The following SYT1 variants were observed in gnomAD, a reference collection of about 807,000 sequenced individuals.
SYT1 encodes synaptotagmin 1, also known as synaptotagmin-1.
A neutral mutation model predicts 44.8 loss-of-function variants in SYT1; 8 were observed. The observed-to-expected ratio is 0.18, with a 90% CI of 0.10 to 0.32. The LOEUF is 0.32. Ranked by LOEUF, SYT1 falls within the 10% of genes least tolerant of loss-of-function variation. The probability of loss-of-function intolerance (pLI) is 1.00; values close to 1 mark genes in which losing one functional copy is unlikely to be tolerated. For synonymous variants in SYT1, 154 were observed against 188.8 expected (o/e 0.82, Z 1.51); for missense variants, 286 against 509.3 (o/e 0.56, Z 4.22).
At chr12:78,970,873 GT>G (rs990156693) in intron 1 of SYT1, among the ~76,000 whole-genome samples, 36 of 152,096 alleles carry the variant, frequency 2.4e-4, no homozygotes, top group African/African-American at 8.7e-4. Context: ...TATACCCATT[GT>G]TTTTGTTTGT....
chr12:79,122,513 CAAAAA>C (rs58384133), intron 3 of SYT1, among the ~76,000 whole-genome samples: 45 of 65,014 alleles, frequency 6.9e-4, no homozygotes, highest in African/African-American at 3.4e-3. Context: ...GACTCCGTCT[CAAAAA>C]AAAAAAAAAA....
intron 3 of SYT1, among the ~76,000 whole-genome samples, chr12:79,174,449 GT>G (rs1871734838): frequency 2.6e-5 from 4 of 151,944 alleles, no homozygotes; most frequent in African/African-American, 7.2e-5. Flanking sequence ...GAGAAATCGG[GT>G]TTCAATTAAT....
At chr12:78,869,310 C>T (rs1190462526) in intron 1 of SYT1, among the ~76,000 whole-genome samples, 5 of 151,744 alleles carry the variant, frequency 3.3e-5, no homozygotes, top group South Asian at 4.2e-4. Context: ...CTGTGGTAGC[C>T]GGGTATGTGA....
chr12:79,269,790 C>T (rs1410552096), intron 4 of SYT1, among the ~76,000 whole-genome samples: 2 of 151,822 alleles, frequency 1.3e-5, no homozygotes, highest in African/African-American at 2.4e-5. Context: ...ACATATGATT[C>T]AAAAAAGGTT....
intron 2 of SYT1, among the ~76,000 whole-genome samples, chr12:79,014,571 G>A (rs1316843331): frequency 2.6e-5 from 4 of 152,158 alleles, no homozygotes; most frequent in Middle Eastern, 3.4e-3. Flanking sequence ...AACAGGTGCT[G>A]GAGAGGATGT....
intron 1 of SYT1, among the ~76,000 whole-genome samples, chr12:78,949,506 A>G (rs911115168): frequency 2.0e-5 from 3 of 151,776 alleles, no homozygotes; most frequent in African/African-American, 4.8e-5. Flanking sequence ...AATAATATCC[A>G]GTTTAAGAGA....
chr12:79,371,031 T>C (rs1883766159), intron 9 of SYT1, among the ~76,000 whole-genome samples: 1 of 152,162 alleles, frequency 6.6e-6, no homozygotes. Flanking sequence ...AGACTACTAC[T>C]GCTAATAATA....
At chr12:78,931,211 GAAAGAAAGAAAGAAAGAAA>G (rs1877639598) in intron 1 of SYT1, among the ~76,000 whole-genome samples, 1 of 47,872 alleles carries the variant, frequency 2.1e-5, no homozygotes, top group African/African-American at 1.2e-4. Flanking sequence ...AAGAAAGAAA[GAAAGAAAGAAAGAAAGAAA>G]GAAAGAAAGA....
At chr12:78,997,037 G>A (rs1870425364) in intron 2 of SYT1, among the ~76,000 whole-genome samples, 1 of 152,210 alleles carries the variant, frequency 6.6e-6, no homozygotes, top group Non-Finnish European at 1.5e-5. Flanking sequence ...AGCAAATACA[G>A]GGAGGTCAGC....
chr12:79,365,281 C>A (rs930200370), intron 9 of SYT1, among the ~76,000 whole-genome samples: 4 of 151,894 alleles, frequency 2.6e-5, no homozygotes, highest in Non-Finnish European at 5.9e-5. Flanking sequence ...ATCCTTTGGG[C>A]CAACATATAG....
Position 79,296,053 on chromosome 12 carries a change from C to T in SYT1, c.475-16C>T. The T allele has an allele frequency of 6.2e-7, 1 of 1,603,588 alleles. No individual in the cohort carries two copies. The highest frequency in any genetic ancestry group is 8.5e-7 in the Non-Finnish European group (1 of 1,176,046). ...CACTGATATTTATGTATGCTGTATT[C>T]TGTCATTTATTTCAGCTGCTGGTAG... On this transcript the variant is annotated splice_polypyrimidine_tract_variant and intron_variant, in intron 6 of 10. Transcript: ENST00000261205.
chr12:79,372,543 C>A (rs773863392), intron 9 of SYT1, among the ~76,000 whole-genome samples: 10 of 152,172 alleles, frequency 6.6e-5, no homozygotes, highest in South Asian at 4.1e-4. Flanking sequence ...ACAGCTAGTT[C>A]TTTAAGCTGA....
chr12:79,015,394 TTTTA>T (rs1240395430), intron 2 of SYT1, among the ~76,000 whole-genome samples: 5 of 152,088 alleles, frequency 3.3e-5, no homozygotes, highest in Non-Finnish European at 7.4e-5. Context: ...TAACCAACTT[TTTTA>T]TTTGTTTTTC....
At chr12:79,171,590 T>G (rs1004995070) in intron 3 of SYT1, among the ~76,000 whole-genome samples, 3 of 151,984 alleles carry the variant, frequency 2.0e-5, no homozygotes, top group Non-Finnish European at 4.4e-5. Context: ...TTTACTATGT[T>G]TTATATATTC....
At chr12:79,218,224 A>G (rs1406769121) in intron 4 of SYT1, among the ~76,000 whole-genome samples, 2 of 152,122 alleles carry the variant, frequency 1.3e-5, no homozygotes, top group Non-Finnish European at 2.9e-5. Context: ...GTGACATTTA[A>G]TTTTTTAATT....
At chr12:78,921,181 T>C (rs1180305596) in intron 1 of SYT1, among the ~76,000 whole-genome samples, 1 of 151,998 alleles carries the variant, frequency 6.6e-6, no homozygotes, top group Non-Finnish European at 1.5e-5. Context: ...ATTTTTTTAA[T>C]ATTCTATAAT....
intron 3 of SYT1, among the ~76,000 whole-genome samples, chr12:79,077,296 A>C (rs991366170): frequency 6.6e-6 from 1 of 152,176 alleles, no homozygotes; most frequent in Non-Finnish European, 1.5e-5. Flanking sequence ...TCTGATATTA[A>C]ACATACTGCT....
chr12:79,189,642 A>G (rs891391994), intron 3 of SYT1, among the ~76,000 whole-genome samples: 3 of 152,122 alleles, frequency 2.0e-5, no homozygotes, highest in Admixed American at 2.0e-4. Flanking sequence ...GGTGACTCAC[A>G]CCTGTAATCC....
chr12:79,236,145 G>A (rs368569420), intron 4 of SYT1, among the ~76,000 whole-genome samples: 9 of 152,230 alleles, frequency 5.9e-5, no homozygotes, highest in Admixed American at 4.6e-4. Context: ...TTCCCACAAC[G>A]ATTTTCCATT....
Sources: gnomAD v4.1 joint callset for allele counts (sites outside exome capture counted in the v4.1 genomes callset) on GRCh38, gnomAD v4.1.1 for gene constraint, MANE v1.5 for transcripts, NCBI Gene and HGNC (gene_info 2026-07-23, HGNC 2026-07-21) for gene names.